RNF24: variants seen among roughly 807,000 people sequenced by gnomAD.
RNF24 encodes the protein ring finger protein 24.
A neutral mutation model predicts 20.0 loss-of-function variants in RNF24; 14 were observed. The observed-to-expected ratio is 0.70, with a 90% confidence interval of 0.46 to 1.10. The LOEUF (loss-of-function observed/expected upper bound fraction) is 1.10. Ranked by LOEUF, RNF24 falls within the 50% of genes least tolerant of loss-of-function variation. The pLI is 0.00. For missense variants in RNF24, 124 were observed against 177.6 expected (o/e 0.70, Z 1.71); for synonymous variants, 45 against 61.1 (o/e 0.74, Z 1.23).
intron 1 of RNF24, among the ~76,000 whole-genome samples, chr20:3,977,675 C>G (rs1568644549): frequency 6.6e-6 from 1 of 151,958 alleles, no homozygotes; most frequent in Non-Finnish European, 1.5e-5. Context: ...ACCATCCTGG[C>G]TAACACGGTG....
chr20:4,014,739 G>GCGCGCACA (rs1555804206), intron 1 of RNF24, among the ~76,000 whole-genome samples: 3 of 143,670 alleles, frequency 2.1e-5, no homozygotes, highest in South Asian at 2.3e-4. Context: ...ACTTGAATGC[G>GCGCGCACA]CACACACACA....
In RNF24 at chr20:3,934,240, T is replaced by C; in HGVS notation, c.309-39A>G. On this transcript the variant is annotated intron_variant, in intron 5 of 5. Coordinates refer to ENST00000358395, the MANE Select transcript of RNF24 (RefSeq NM_001134337.3). The surrounding 1 kb of genome is among the most constrained non-coding windows in gnomAD (Gnocchi z 4.0). ...CACCACAGGGGGAAGATGTCAGTCC[T>C]ATGCTCATGGCACGGCTGTTCTGCT... 1 of 1,587,942 alleles carries C rather than the reference T, an allele frequency of 6.3e-7. No individual in the cohort carries two copies. Among genetic ancestry groups the C allele is most frequent in the Non-Finnish European group, 8.6e-7 (1 of 1,167,888 alleles).
chr20:4,013,802 G>A (rs1982656237), intron 1 of RNF24, among the ~76,000 whole-genome samples: 1 of 152,090 alleles, frequency 6.6e-6, no homozygotes, highest in African/African-American at 2.4e-5. Flanking sequence ...AAAATACCTT[G>A]GAGGTGTGTT....
At chr20:3,960,161 T>G (rs1299849099) in intron 2 of RNF24, among the ~76,000 whole-genome samples, 1 of 152,118 alleles carries the variant, frequency 6.6e-6, no homozygotes, top group Non-Finnish European at 1.5e-5. Flanking sequence ...TGGTGGTGAC[T>G]GGAGGGAGCT....
Position 3,933,180 on chromosome 20 carries a change from A to G in RNF24, c.*883T>C. On this transcript the variant is annotated 3_prime_UTR_variant, in exon 6 of 6. Transcript: ENST00000358395. ...GGCATTCCCTTCATCCAGCCGGGCC[A>G]GAAGTATGGGCCATTCTCAAAAAGC... 2.5e-6 allele frequency: 1 copy of G among 395,882 alleles called. No homozygotes were observed. The allele number at this position is 395,882 out of a possible 1,614,324, so 24.5% of individuals were successfully genotyped here.
chr20:4,014,680 T>C (rs1201698080), intron 1 of RNF24, among the ~76,000 whole-genome samples: 1 of 151,536 alleles, frequency 6.6e-6, no homozygotes, highest in Non-Finnish European at 1.5e-5. Context: ...CTTTTCCTCA[T>C]ACCCTTTTTG....
chr20:4,003,755 G>A (rs949511989), intron 1 of RNF24, among the ~76,000 whole-genome samples: 1 of 142,714 alleles, frequency 7.0e-6, no homozygotes, highest in East Asian at 2.2e-4. Flanking sequence ...AGATTCTCCT[G>A]ACTCAGCCTC....
At chr20:3,995,830 T>A (rs1656157578) in intron 1 of RNF24, among the ~76,000 whole-genome samples, 1 of 152,070 alleles carries the variant, frequency 6.6e-6, no homozygotes, top group African/African-American at 2.4e-5. Flanking sequence ...GTTCTGCTTT[T>A]TTTTTTCAAA....
At chr20:3,944,046 C>T (rs1490491095) in intron 4 of RNF24, among the ~76,000 whole-genome samples, 1 of 151,934 alleles carries the variant, frequency 6.6e-6, no homozygotes, top group Non-Finnish European at 1.5e-5. Context: ...CCCGTCTCTA[C>T]TAAAAATACA....
intron 2 of RNF24, among the ~76,000 whole-genome samples, chr20:3,959,668 C>A (rs2091180307): frequency 6.6e-6 from 1 of 152,176 alleles, no homozygotes; most frequent in South Asian, 2.1e-4. Flanking sequence ...AAAAAATCAG[C>A]AGTCCTCTGC....
rs144325911 is a variant in RNF24, at chr20:3,994,132, C to T, written c.-8+21305G>A. Among the ~76,000 whole-genome samples the T allele has an allele frequency of 1.5e-3, 223 of 152,280 alleles. 1 individual carries two copies. The highest frequency in any genetic ancestry group is 5.2e-3 in the African/African-American group (216 of 41,552). Reference sequence around the variant, plus strand: ...AAAATTAATCAATGTTCATTTTATTCTGAAAATGTCATGGCACTTCTCGAA... The same window carrying T: ...AAAATTAATCAATGTTCATTTTATTTTGAAAATGTCATGGCACTTCTCGAA... On this transcript the variant is annotated intron_variant, in intron 1 of 5. Transcript: ENST00000358395.
intron 4 of RNF24, among the ~76,000 whole-genome samples, chr20:3,937,163 T>C (rs2090901114): frequency 6.6e-6 from 1 of 152,150 alleles, no homozygotes; most frequent in Non-Finnish European, 1.5e-5. Context: ...ATTAATGGTA[T>C]AATGTGCTAT....
At position 3,929,600 on chromosome 20, in the gene RNF24, A is replaced by ACAT. The variant is rs1439988526; in HGVS notation, c.*4460_*4462dup. The ACAT allele has an allele frequency of 2.6e-5, 4 of 152,378 alleles. No homozygotes were observed. The highest frequency in any genetic ancestry group is 9.6e-5 in the African/African-American group (4 of 41,466). The allele number at this position is 152,378 out of a possible 1,614,324, so 9.4% of individuals were successfully genotyped here. ...AAGTGACCACAACAGTTGCAGCCACACATCACCACTGGTCCTCACTTGGAA... is the reference window on the plus strand; with the variant it reads ...AAGTGACCACAACAGTTGCAGCCACACATCATCACCACTGGTCCTCACTTGGAA... On this transcript the variant is annotated 3_prime_UTR_variant, in exon 6 of 6. Coordinates refer to ENST00000358395, the MANE Select transcript of RNF24 (RefSeq NM_001134337.3).
At chr20:3,946,807 TGGGGTTACCTAA>T (rs1484904035) in intron 3 of RNF24, among the ~76,000 whole-genome samples, 3 of 151,906 alleles carry the variant, frequency 2.0e-5, no homozygotes, top group Admixed American at 1.3e-4. Flanking sequence ...TGTAAGAGTG[TGGGGTTACCTAA>T]GGACATCAGT....
At chr20:4,013,565 C>G (rs1390853994) in intron 1 of RNF24, among the ~76,000 whole-genome samples, 1 of 152,128 alleles carries the variant, frequency 6.6e-6, no homozygotes, top group Non-Finnish European at 1.5e-5. Context: ...ACTGCAACCT[C>G]CGCCTCCGGG....
chr20:3,999,773 A>C (rs754420845), intron 1 of RNF24, among the ~76,000 whole-genome samples: 18 of 152,174 alleles, frequency 1.2e-4, no homozygotes, highest in Non-Finnish European at 1.9e-4. Context: ...AACAAAACAA[A>C]CAAACAAACA....
chr20:3,981,404 A>C (rs1979367365), intron 1 of RNF24, among the ~76,000 whole-genome samples: 1 of 152,196 alleles, frequency 6.6e-6, no homozygotes, highest in South Asian at 2.1e-4. Context: ...ATGGCATGGA[A>C]AAAAGACCTA....
intron 2 of RNF24, among the ~76,000 whole-genome samples, chr20:3,961,769 C>T (rs1478011061): frequency 6.7e-6 from 1 of 149,456 alleles, no homozygotes; most frequent in Non-Finnish European, 1.5e-5. Flanking sequence ...ATTAAATTTA[C>T]ATATTTCTAA....
chr20:3,986,740 C>T (rs540609994), intron 1 of RNF24, among the ~76,000 whole-genome samples: 8 of 150,726 alleles, frequency 5.3e-5, no homozygotes, highest in African/African-American at 1.2e-4. Context: ...CTTGGCCTCT[C>T]GGGTTCAAGC....
Sources: gnomAD v4.1 joint callset for allele counts (sites outside exome capture counted in the v4.1 genomes callset) on GRCh38, gnomAD v4.1.1 for gene constraint, Gnocchi (gnomAD v3.1) non-coding constraint, MANE v1.5 for transcripts, NCBI Gene and HGNC (gene_info 2026-07-23, HGNC 2026-07-21) for gene names.